SLC35F1: variants seen among roughly 807,000 people sequenced by gnomAD.
The protein encoded by SLC35F1 is chromosome 6 open reading frame 169.
A neutral mutation model predicts 48.7 loss-of-function variants in SLC35F1; 14 were observed. That is an observed-to-expected ratio of 0.29 (90% CI 0.19 to 0.45). SLC35F1 has a LOEUF of 0.45. Among genes scored for constraint, SLC35F1 ranks in the 20% least tolerant of loss-of-function variants. The pLI, the probability that SLC35F1 is intolerant of heterozygous loss-of-function variation, is 1.00. For synonymous variants in SLC35F1, 190 were observed against 202.2 expected, an observed-to-expected ratio of 0.94 and a Z score of 0.51; for missense variants, 404 against 500.0, an observed-to-expected ratio of 0.81 and a Z score of 1.83.
chr6:118,211,607 A>T (rs1320327533), intron 2 of SLC35F1, among the ~76,000 whole-genome samples: 1 of 152,366 alleles, frequency 6.6e-6, no homozygotes, highest in East Asian at 1.9e-4. Flanking sequence ...ACAACCAGGA[A>T]CATATGGACA....
chr6:118,175,020 G>A (rs1774466401), intron 2 of SLC35F1, among the ~76,000 whole-genome samples: 1 of 152,078 alleles, frequency 6.6e-6, no homozygotes, highest in African/African-American at 2.4e-5. Context: ...AGCTATAGAA[G>A]TCGGAAGATT....
chr6:118,112,674 A>T (rs1290963473), intron 1 of SLC35F1, among the ~76,000 whole-genome samples: 1 of 152,140 alleles, frequency 6.6e-6, no homozygotes, highest in African/African-American at 2.4e-5. Flanking sequence ...TCATTAATGT[A>T]TATTGCAAAC....
intron 2 of SLC35F1, among the ~76,000 whole-genome samples, chr6:118,213,704 C>A (rs987662704): frequency 6.6e-6 from 1 of 151,856 alleles, no homozygotes; most frequent in African/African-American, 2.4e-5. Context: ...ATCCAAGTTG[C>A]AAAATTATAT....
At chr6:117,942,845 T>C (rs1776249118) in intron 1 of SLC35F1, among the ~76,000 whole-genome samples, 1 of 152,240 alleles carries the variant, frequency 6.6e-6, no homozygotes, top group Non-Finnish European at 1.5e-5. Flanking sequence ...TTAGCTATTA[T>C]GAACTTTATT....
intron 1 of SLC35F1, among the ~76,000 whole-genome samples, chr6:117,929,406 A>G (rs1490313419): frequency 4.0e-5 from 6 of 151,352 alleles, no homozygotes; most frequent in Non-Finnish European, 8.8e-5. Flanking sequence ...TACTATATTT[A>G]TATGTAAGTA....
intron 1 of SLC35F1, among the ~76,000 whole-genome samples, chr6:117,911,965 A>T (rs747452210): frequency 1.1e-4 from 17 of 152,232 alleles, no homozygotes; most frequent in Non-Finnish European, 1.9e-4. Flanking sequence ...AATGTTTTTG[A>T]GAAATGAGTG....
intron 7 of SLC35F1, among the ~76,000 whole-genome samples, chr6:118,303,561 C>G (rs1776278283): frequency 6.6e-6 from 1 of 152,198 alleles, no homozygotes; most frequent in African/African-American, 2.4e-5. Context: ...TCCTTAGCAT[C>G]AAGATGCTTA....
chr6:118,302,258 T>C (rs1343832119), intron 7 of SLC35F1, among the ~76,000 whole-genome samples: 1 of 152,090 alleles, frequency 6.6e-6, no homozygotes, highest in East Asian at 1.9e-4. Context: ...AGAGAAGGAA[T>C]GTTAAAGCAG....
At chr6:118,022,457 C>T (rs893056032) in intron 1 of SLC35F1, among the ~76,000 whole-genome samples, 2 of 152,094 alleles carry the variant, frequency 1.3e-5, no homozygotes, top group Non-Finnish European at 1.5e-5. Context: ...AAAGTGATGA[C>T]ATTGACCAAC....
chr6:118,242,831 T>C (rs757939991), intron 3 of SLC35F1, among the ~76,000 whole-genome samples: 17 of 152,188 alleles, frequency 1.1e-4, no homozygotes, highest in Non-Finnish European at 8.8e-5. Flanking sequence ...TAAAATTCAC[T>C]CACGTTGGGA....
intron 1 of SLC35F1, among the ~76,000 whole-genome samples, chr6:118,092,356 G>A (rs1044624020): frequency 6.6e-6 from 1 of 152,154 alleles, no homozygotes; most frequent in Non-Finnish European, 1.5e-5. Flanking sequence ...CTTAGGTTTG[G>A]CAACCTCCAC....
At chr6:118,116,920 C>G (rs1179703670) in intron 1 of SLC35F1, among the ~76,000 whole-genome samples, 1 of 152,206 alleles carries the variant, frequency 6.6e-6, no homozygotes, top group Non-Finnish European at 1.5e-5. Flanking sequence ...GAGATAACAT[C>G]TGTGACATTT....
At chr6:118,184,274 C>T (rs1020391543) in intron 2 of SLC35F1, among the ~76,000 whole-genome samples, 2 of 152,174 alleles carry the variant, frequency 1.3e-5, no homozygotes, top group Non-Finnish European at 2.9e-5. Flanking sequence ...GAGCAAGACT[C>T]TCAAAAGTTT....
intron 1 of SLC35F1, among the ~76,000 whole-genome samples, chr6:118,004,805 T>G (rs1777152486): frequency 6.6e-6 from 1 of 151,934 alleles, no homozygotes; most frequent in South Asian, 2.1e-4. Context: ...CGCCTTGGCC[T>G]CTCAAAGTGC....
chr6:118,122,178 T>A (rs1423401926), intron 1 of SLC35F1, among the ~76,000 whole-genome samples: 1 of 152,092 alleles, frequency 6.6e-6, no homozygotes, highest in Non-Finnish European at 1.5e-5. Flanking sequence ...GACATTTTTG[T>A]ATGTCCAATA....
chr6:118,060,664 G>A (rs1004911883), intron 1 of SLC35F1, among the ~76,000 whole-genome samples: 3 of 152,064 alleles, frequency 2.0e-5, no homozygotes, highest in Non-Finnish European at 4.4e-5. Flanking sequence ...ATGAATGAAC[G>A]AATCATTAAA....
In SLC35F1 at chr6:118,163,156, GTT is replaced by G. The variant is rs1389911694; in HGVS notation, c.349+8538_349+8539del. ...TTTTGTATTTTTTAGTGGAGACGGG[GTT>G]TCACCATGTTGGCCAGGCTGGTTCT... On this transcript the variant is annotated intron_variant, in intron 2 of 7. Coordinates refer to ENST00000360388, the MANE Select transcript of SLC35F1 (RefSeq NM_001029858.4). 5.9e-5 allele frequency among the ~76,000 whole-genome samples: 9 copies of G among 151,944 alleles called. No homozygotes were observed. In the East Asian group the frequency reaches 1.5e-3, roughly 26 times the overall value.
chr6:117,928,747 A>C (rs1157358053), intron 1 of SLC35F1, among the ~76,000 whole-genome samples: 1 of 152,118 alleles, frequency 6.6e-6, no homozygotes, highest in Non-Finnish European at 1.5e-5. Context: ...GCAGTTGCAC[A>C]AGTCAATCAA....
chr6:117,974,142 G>GAAT (rs1173014103), intron 1 of SLC35F1, among the ~76,000 whole-genome samples: 2 of 152,118 alleles, frequency 1.3e-5, no homozygotes, highest in East Asian at 1.9e-4. Context: ...CATGAAATAG[G>GAAT]AATAATAATA....
Sources: allele counts gnomAD v4.1 joint callset (sites outside exome capture counted in the v4.1 genomes callset), GRCh38; gene constraint gnomAD v4.1.1; transcripts MANE v1.5; gene names NCBI Gene and HGNC (gene_info 2026-07-23, HGNC 2026-07-21).